EXOSC7: variants seen among roughly 807,000 people sequenced by gnomAD.
EXOSC7 encodes the protein exosome complex component RRP42.
A neutral mutation model predicts 34.3 loss-of-function variants in EXOSC7; 25 were observed. The observed-to-expected ratio is 0.73, with a 90% CI of 0.53 to 1.02. The LOEUF is 1.02. EXOSC7 is among the 50% of genes least tolerant of loss of function. EXOSC7 has a pLI of 0.00. For missense variants in EXOSC7, 370 were observed against 368.5 expected, an observed-to-expected ratio of 1.00 and a Z score of -0.03; for synonymous variants, 130 against 143.0, an observed-to-expected ratio of 0.91 and a Z score of 0.65.
intron 1 of EXOSC7, chr3:44,977,051 GGCAGCCGATA>G (rs1322815293): frequency 6.6e-6 from 1 of 152,376 alleles, no homozygotes; most frequent in Non-Finnish European, 1.5e-5. Flanking sequence ...AAAGCGGCTA[GGCAGCCGATA>G]GCCTAAGTGC....
At chr3:44,986,648 G>A (rs1199558305) in intron 1 of EXOSC7, among the ~76,000 whole-genome samples, 4 of 152,246 alleles carry the variant, frequency 2.6e-5, no homozygotes, top group East Asian at 1.9e-4. Flanking sequence ...CTGCCAGCAC[G>A]CTGTCACCTC....
intron 3 of EXOSC7, among the ~76,000 whole-genome samples, chr3:44,993,021 G>A (rs979913592): frequency 2.6e-5 from 4 of 152,194 alleles, no homozygotes; most frequent in African/African-American, 9.7e-5. Flanking sequence ...ATTGGTGGTT[G>A]GAGTCACTAT....
intron 1 of EXOSC7, chr3:44,977,437 A>G (rs1435777621): frequency 3.3e-5 from 5 of 152,254 alleles, no homozygotes; most frequent in African/African-American, 1.2e-4. Flanking sequence ...GGACATGTCC[A>G]TTTAAAAATC....
chr3:44,992,819 A>G (rs1706609115), intron 3 of EXOSC7, among the ~76,000 whole-genome samples: 2 of 152,130 alleles, frequency 1.3e-5, no homozygotes, highest in South Asian at 4.1e-4. Context: ...CATTGTGTTG[A>G]TGGGTTTAGG....
In EXOSC7 at chr3:44,978,290, C is replaced by A. The variant is rs528610717; in HGVS notation, c.57+1956C>A. 2.6e-5 allele frequency among the ~76,000 whole-genome samples: 4 copies of A among 152,280 alleles called. No individual in the cohort carries two copies. In the South Asian group the frequency reaches 8.3e-4, roughly 32 times the overall value. On this transcript the variant is annotated intron_variant, in intron 1 of 7. Coordinates refer to ENST00000265564, the MANE Select transcript of EXOSC7 (RefSeq NM_015004.4). Reference sequence around the variant, plus strand: ...CTTGGGCAACACAGTGAGAGCCCATCTCTAAAGAAATAATTTTTTTTTAAT... The same window carrying A: ...CTTGGGCAACACAGTGAGAGCCCATATCTAAAGAAATAATTTTTTTTTAAT...
intron 1 of EXOSC7, among the ~76,000 whole-genome samples, chr3:44,979,622 C>T (rs1350625529): frequency 1.3e-5 from 2 of 151,602 alleles, no homozygotes; most frequent in Non-Finnish European, 2.9e-5. Context: ...TTGTTTTTGT[C>T]TCCCTACAGA....
chr3:44,991,397 T>A (rs1248482227), intron 3 of EXOSC7, among the ~76,000 whole-genome samples: 1 of 152,226 alleles, frequency 6.6e-6, no homozygotes, highest in African/African-American at 2.4e-5. Flanking sequence ...GGAAGCAGAA[T>A]GCCTCTGGTG....
intron 1 of EXOSC7, among the ~76,000 whole-genome samples, chr3:44,980,887 G>A (rs927271843): frequency 6.6e-6 from 1 of 152,118 alleles, no homozygotes; most frequent in Non-Finnish European, 1.5e-5. Context: ...TATCATAAAC[G>A]ATTTACTCTG....
chr3:45,011,860 G>A (rs1697295935), downstream of EXOSC7, among the ~76,000 whole-genome samples: 1 of 152,160 alleles, frequency 6.6e-6, no homozygotes, highest in Non-Finnish European at 1.5e-5. Context: ...CAAGAGATCC[G>A]AATGGAATTC....
In EXOSC7 at chr3:45,001,566, A is replaced by G. The variant is rs143248545; in HGVS notation, c.449A>G (p.Asp150Gly). ...CTGGAATGTGGTGGAAATTTGTTTG[A>G]TGCCATTTCCATTGCTGTAAAGGCT... Reference protein sequence around the residue: ...LLLECGGNLFDAISIAVKAAL... With the variant: ...LLLECGGNLFGAISIAVKAAL... Residue 150 changes from aspartate to glycine, a missense_variant, in exon 5 of 8, where the codon GAT becomes GGT. Physicochemically the swap from Asp to Gly is moderately conservative, Grantham distance 94 (BLOSUM62 -1). Coordinates refer to ENST00000265564, the MANE Select transcript of EXOSC7 (RefSeq NM_015004.4). 2.5e-6 allele frequency: 4 copies of G among 1,613,668 alleles called. No homozygotes were observed. In the African/African-American group the frequency reaches 4.0e-5, roughly 16 times the overall value.
chr3:44,986,438 G>T (rs1030421402), intron 1 of EXOSC7, among the ~76,000 whole-genome samples: 1 of 152,078 alleles, frequency 6.6e-6, no homozygotes, highest in Non-Finnish European at 1.5e-5. Context: ...GCGCTGGCCC[G>T]CAAGCACTGC....
At chr3:44,976,438 ACT>A in intron 1 of EXOSC7, 104 bp downstream of exon 1, 1 of 1,007,308 alleles carries the variant, frequency 9.9e-7, no homozygotes, top group Non-Finnish European at 1.4e-6. Context: ...AGCTGCGGCG[ACT>A]CTCCGTTTAC....
chr3:44,989,155 G>A lies in EXOSC7; in HGVS notation c.73G>A (p.Asp25Asn). The change falls in exon 2 of 8, where the codon GAT (aspartate) becomes AAT (asparagine). Residue 25 changes from aspartate to asparagine, a missense_variant. Asp to Asn is a conservative substitution (Grantham distance 23). Around this residue, in one of 3 missense-constraint regions of EXOSC7, gnomAD observed 95 missense variants for 79.8 expected, o/e 1.19. Coordinates refer to ENST00000265564, the MANE Select transcript of EXOSC7 (RefSeq NM_015004.4). ...VHGVQEDLRV[D>N]GRGCEDYRCV... ...TAACACCTAGGAAGACCTCCGTGTG[G>A]ATGGCCGTGGCTGTGAGGACTACCG... 6.2e-7 allele frequency: 1 copy of A among 1,614,036 alleles called. No homozygotes were observed. The highest frequency in any genetic ancestry group is 8.5e-7 in the Non-Finnish European group (1 of 1,179,912).
chr3:45,009,099 T>C (rs2125974771), intron 7 of EXOSC7, among the ~76,000 whole-genome samples: 1 of 152,326 alleles, frequency 6.6e-6, no homozygotes, highest in Middle Eastern at 3.4e-3. Context: ...CCAGAGCCCC[T>C]GCTCCCAGCC....
intron 3 of EXOSC7, among the ~76,000 whole-genome samples, chr3:44,990,601 C>T (rs1422967414): frequency 2.6e-5 from 4 of 152,138 alleles, no homozygotes; most frequent in Non-Finnish European, 5.9e-5. Flanking sequence ...TATAGTGATA[C>T]TCACAGCTAA....
Position 45,011,413 on chromosome 3 carries a change from C to T in EXOSC7, c.*74C>T, listed in dbSNP as rs1707210487. On this transcript the variant is annotated 3_prime_UTR_variant, in exon 8 of 8. Transcript: ENST00000265564. ...AAACCGGTTCGTATATATTTTTCTT[C>T]GCTGTTACGAATTTACAGCAGCATT... 17 of 944,878 alleles carry T rather than the reference C, an allele frequency of 1.8e-5. No individual in the cohort carries two copies. The highest frequency in any genetic ancestry group is 2.6e-5 in the Non-Finnish European group (16 of 617,358). 58.5% of individuals were successfully genotyped at this position (944,878 alleles called of 1,614,324 possible). A position where few individuals can be genotyped will look rare whatever the true frequency, so the allele number is the denominator to read the frequency against.
chr3:44,989,682 G>T (rs1476846696), intron 3 of EXOSC7, 38 bp downstream of exon 3: 1 of 1,466,424 alleles, frequency 6.8e-7, no homozygotes, highest in South Asian at 1.2e-5. Context: ...AAAGATAAAT[G>T]ATTTTAAAGA....
intron 1 of EXOSC7, among the ~76,000 whole-genome samples, chr3:44,984,499 T>G (rs1401896081): frequency 6.6e-6 from 1 of 150,656 alleles, no homozygotes; most frequent in Non-Finnish European, 1.5e-5. Context: ...GCAGCAGTAG[T>G]AAACCCTGTG....
At chr3:44,999,245 A>G (rs1363100787) in intron 4 of EXOSC7, among the ~76,000 whole-genome samples, 1 of 152,202 alleles carries the variant, frequency 6.6e-6, no homozygotes, top group Non-Finnish European at 1.5e-5. Context: ...GGATGGATAC[A>G]TGGTGCGCAG....
Sources: allele counts gnomAD v4.1 joint callset (sites outside exome capture counted in the v4.1 genomes callset), GRCh38; gene constraint gnomAD v4.1.1; regional missense constraint gnomAD v4.1.1; transcripts MANE v1.5; gene names NCBI Gene and HGNC (gene_info 2026-07-23, HGNC 2026-07-21).